WWTR1: variants seen among roughly 807,000 people sequenced by gnomAD.
The protein encoded by WWTR1 is WW domain containing transcription regulator 1.
A neutral mutation model predicts 40.1 loss-of-function variants in WWTR1; 13 were observed. That is an observed-to-expected ratio of 0.32 (90% CI 0.21 to 0.52). The LOEUF is 0.52. Among genes scored for constraint, WWTR1 ranks in the 20% least tolerant of loss-of-function variants. The pLI is 0.97. For synonymous variants in WWTR1, 230 were observed against 210.1 expected, an observed-to-expected ratio of 1.09 and a Z score of -0.82; for missense variants, 436 against 523.1, an observed-to-expected ratio of 0.83 and a Z score of 1.63.
intron 2 of WWTR1, among the ~76,000 whole-genome samples, chr3:149,642,386 C>T (rs936528626): frequency 6.6e-6 from 1 of 151,900 alleles, no homozygotes; most frequent in Non-Finnish European, 1.5e-5. Context: ...CATCAATGCA[C>T]TCCAGCCTAG....
chr3:149,590,060 T>G lies in WWTR1; in HGVS notation c.432-17060A>C, dbSNP rs553126730. Among the ~76,000 whole-genome samples, 5 of 152,314 alleles carry G rather than the reference T, an allele frequency of 3.3e-5. No homozygotes were observed. The East Asian group carries it at 9.6e-4, about 29-fold the overall frequency. ...ATTCTGCAAACTGCTCGGCTGAGCC[T>G]CTACCAGGTACTATACACCATGGGT... is the stretch of plus-strand genomic sequence containing the variant. On this transcript the variant is annotated intron_variant, in intron 2 of 6. Coordinates refer to ENST00000360632, the MANE Select transcript of WWTR1 (RefSeq NM_015472.6).
chr3:149,686,999 C>CAAA (rs1714677501), intron 1 of WWTR1, among the ~76,000 whole-genome samples: 1 of 152,146 alleles, frequency 6.6e-6, no homozygotes, highest in Non-Finnish European at 1.5e-5. Flanking sequence ...CTTTTGCCCT[C>CAAA]AGGAATATGT....
chr3:149,593,308 C>A (rs569264129), intron 2 of WWTR1, among the ~76,000 whole-genome samples: 72 of 152,248 alleles, frequency 4.7e-4, no homozygotes, highest in African/African-American at 1.7e-3. Context: ...TGTTAATGCA[C>A]CGTACACTAC....
chr3:149,643,125 T>C (rs1712281491), intron 2 of WWTR1, among the ~76,000 whole-genome samples: 1 of 152,248 alleles, frequency 6.6e-6, no homozygotes, highest in East Asian at 1.9e-4. Flanking sequence ...ACATGTTTTA[T>C]TTACCTTATA....
At chr3:149,691,113 A>G (rs1714812774) in intron 1 of WWTR1, among the ~76,000 whole-genome samples, 1 of 151,968 alleles carries the variant, frequency 6.6e-6, no homozygotes, top group Non-Finnish European at 1.5e-5. Flanking sequence ...AAATTTCTTG[A>G]AACAAATAAA....
chr3:149,665,201 C>T (rs368892621), intron 2 of WWTR1, among the ~76,000 whole-genome samples: 99 of 149,366 alleles, frequency 6.6e-4, no homozygotes, highest in African/African-American at 2.4e-3. Context: ...TCTATAATAA[C>T]GGGAAATTAG....
intron 4 of WWTR1, among the ~76,000 whole-genome samples, chr3:149,538,580 A>G (rs1287473498): frequency 6.6e-6 from 1 of 152,224 alleles, no homozygotes; most frequent in Non-Finnish European, 1.5e-5. Context: ...GAGGGACTGC[A>G]TTTAAGGAAA....
At chr3:149,582,174 C>G (rs1738177905) in intron 2 of WWTR1, among the ~76,000 whole-genome samples, 1 of 152,046 alleles carries the variant, frequency 6.6e-6, no homozygotes, top group Non-Finnish European at 1.5e-5. Context: ...CCGTCATATG[C>G]TGCACGCACC....
chr3:149,696,293 T>G (rs1416653674), intron 1 of WWTR1, among the ~76,000 whole-genome samples: 3 of 151,994 alleles, frequency 2.0e-5, no homozygotes, highest in Non-Finnish European at 2.9e-5. Context: ...ACCAAGCACT[T>G]AGATGCCCAA....
At chr3:149,623,201 A>G (rs1740394917) in intron 2 of WWTR1, among the ~76,000 whole-genome samples, 1 of 152,080 alleles carries the variant, frequency 6.6e-6, no homozygotes, top group Admixed American at 6.5e-5. Flanking sequence ...GTCTCTACCA[A>G]AAAAATACAA....
At chr3:149,590,621 G>A (rs1738663442) in intron 2 of WWTR1, among the ~76,000 whole-genome samples, 1 of 152,190 alleles carries the variant, frequency 6.6e-6, no homozygotes, top group South Asian at 2.1e-4. Flanking sequence ...ACTCCAGCCT[G>A]GGTGACAAGA....
At chr3:149,531,099 T>A (rs955646353) in intron 4 of WWTR1, among the ~76,000 whole-genome samples, 16 of 152,148 alleles carry the variant, frequency 1.1e-4, no homozygotes, top group African/African-American at 3.9e-4. Context: ...CACGCCCAGC[T>A]AATTTTTGTA....
intron 2 of WWTR1, among the ~76,000 whole-genome samples, chr3:149,612,376 G>T (rs915369662): frequency 7.5e-6 from 1 of 132,674 alleles, no homozygotes; most frequent in African/African-American, 2.7e-5. Flanking sequence ...GAGGGGAAAA[G>T]AAAAAAAAAA....
rs145059955 is a variant in WWTR1, at chr3:149,533,964, T to C, written c.772-5995A>G. On this transcript the variant is annotated intron_variant, in intron 4 of 6. Coordinates refer to ENST00000360632, the MANE Select transcript of WWTR1 (RefSeq NM_015472.6). ...CACTGTTCTAAGCCCTTTAACATGT[T>C]ATTTCCCATCCTGGCTAACATGGTG... Among the ~76,000 whole-genome samples, 12 of 152,358 alleles carry C rather than the reference T, an allele frequency of 7.9e-5. No individual in the cohort carries two copies. The East Asian group carries it at 2.3e-3, about 29-fold the overall frequency.
chr3:149,633,681 A>C (rs1271544091), intron 2 of WWTR1, among the ~76,000 whole-genome samples: 1 of 152,172 alleles, frequency 6.6e-6, no homozygotes. Context: ...GCGGACACTA[A>C]GAGCTGTGTA....
intron 3 of WWTR1, among the ~76,000 whole-genome samples, chr3:149,569,185 T>C (rs1331286383): frequency 6.6e-6 from 1 of 152,236 alleles, no homozygotes; most frequent in Non-Finnish European, 1.5e-5. Flanking sequence ...ACATTGTTCC[T>C]AATTTAAAAC....
upstream of WWTR1, chr3:149,660,964 TACGTAGCCCCTTCC>T (rs1439814963): frequency 6.6e-6 from 1 of 152,240 alleles, no homozygotes; most frequent in Non-Finnish European, 1.5e-5. Context: ...TTTATACCTT[TACGTAGCCCCTTCC>T]ACTTAATCTG....
At chr3:149,675,239 C>T (rs1156273388) in intron 1 of WWTR1, among the ~76,000 whole-genome samples, 6 of 152,232 alleles carry the variant, frequency 3.9e-5, no homozygotes. Flanking sequence ...ATACTCCTTA[C>T]CAGTGACTGA....
chr3:149,567,934 T>G (rs1489032474), intron 3 of WWTR1, among the ~76,000 whole-genome samples: 1 of 152,252 alleles, frequency 6.6e-6, no homozygotes, highest in African/African-American at 2.4e-5. Flanking sequence ...GACTAAGATC[T>G]GCAGCAGGCT....
Sources: gnomAD v4.1 joint callset for allele counts (sites outside exome capture counted in the v4.1 genomes callset) on GRCh38, gnomAD v4.1.1 for gene constraint, MANE v1.5 for transcripts, NCBI Gene and HGNC (gene_info 2026-07-23, HGNC 2026-07-21) for gene names.